SLC25A48: variants seen among roughly 807,000 people sequenced by gnomAD.
SLC25A48 encodes the protein solute carrier family 25 member 48.
In SLC25A48, 29 loss-of-function variants were observed where a neutral mutation model predicts 32.2. The ratio of observed to expected loss-of-function variants is 0.90; its 90% CI spans 0.67 to 1.23. The LOEUF (loss-of-function observed/expected upper bound fraction) is 1.23. Among genes scored for constraint, SLC25A48 ranks in the 50% most tolerant of loss-of-function variants. SLC25A48 has a pLI of 0.00. For synonymous variants in SLC25A48, 164 were observed against 172.3 expected (o/e 0.95, Z 0.38); for missense variants, 399 against 422.7 (o/e 0.94, Z 0.49).
At chr5:135,731,334 C>G (rs1338663718) in intron 3 of SLC25A48, among the ~76,000 whole-genome samples, 4 of 152,146 alleles carry the variant, frequency 2.6e-5, no homozygotes, top group Non-Finnish European at 4.4e-5. Context: ...GGATGTATAC[C>G]TGCAGGTCAC....
chr5:135,636,712 A>G (rs1476000797), intron 3 of SLC25A48, among the ~76,000 whole-genome samples: 6 of 152,242 alleles, frequency 3.9e-5, no homozygotes, highest in Non-Finnish European at 8.8e-5. Context: ...TGTATTAGAA[A>G]CATCATCTGT....
intron 3 of SLC25A48, among the ~76,000 whole-genome samples, chr5:135,748,786 C>T (rs4367295): frequency 0.46 from 68,361 of 147,860 alleles, 16,490 homozygotes; most frequent in Non-Finnish European, 0.54. Flanking sequence ...TGGCACGATA[C>T]TGGCTCACTG....
intron 4 of SLC25A48, among the ~76,000 whole-genome samples, chr5:135,862,558 A>G (rs1319789297): frequency 1.3e-5 from 2 of 152,206 alleles, no homozygotes; most frequent in African/African-American, 4.8e-5. Flanking sequence ...TCCACAGTCT[A>G]GTGGGGAGCC....
At chr5:135,795,065 GAGAGAA>G (rs1757134477) in intron 3 of SLC25A48, among the ~76,000 whole-genome samples, 1 of 151,712 alleles carries the variant, frequency 6.6e-6, no homozygotes, top group Non-Finnish European at 1.5e-5. Flanking sequence ...TAATCTCCAG[GAGAGAA>G]GAGGATATTA....
intron 3 of SLC25A48, among the ~76,000 whole-genome samples, chr5:135,729,252 G>C (rs995625155): frequency 1.3e-5 from 2 of 152,108 alleles, no homozygotes; most frequent in Non-Finnish European, 2.9e-5. Context: ...GGCCTTCAAA[G>C]AGTAATAGGA....
At chr5:135,615,814 C>T (rs968659992) in intron 1 of SLC25A48, among the ~76,000 whole-genome samples, 1 of 152,186 alleles carries the variant, frequency 6.6e-6, no homozygotes, top group African/African-American at 2.4e-5. Context: ...TTGAGGCAGC[C>T]CCTCTCATCC....
chr5:135,834,726 A>G lies in SLC25A48; in HGVS notation c.-122A>G. 9.3e-7 allele frequency: 1 copy of G among 1,078,054 alleles called. No homozygotes were observed. The highest frequency in any genetic ancestry group is 1.3e-6 in the Non-Finnish European group (1 of 755,700). 66.8% of individuals were successfully genotyped at this position (1,078,054 alleles called of 1,614,324 possible). On this transcript the variant is annotated 5_prime_UTR_variant, in exon 1 of 8. Transcript: ENST00000681962. ...ACTGGGGGACTGGGTTTGGAGTAGG[A>G]CCTGCGGCGTGCTCGAGACTCCGAC... is the stretch of plus-strand genomic sequence containing the variant.
intron 1 of SLC25A48, among the ~76,000 whole-genome samples, chr5:135,588,744 CAT>C (rs57166652): frequency 0.033 from 5,059 of 152,224 alleles, 269 homozygotes; most frequent in African/African-American, 0.12. Context: ...GGTCAGAACA[CAT>C]GTGATGAGTC....
chr5:135,802,286 T>G (rs1236289170), intron 3 of SLC25A48, among the ~76,000 whole-genome samples: 2 of 151,764 alleles, frequency 1.3e-5, no homozygotes, highest in Non-Finnish European at 2.9e-5. Context: ...TGTAATATCC[T>G]AGGAAGATAT....
chr5:135,771,812 G>C (rs925129134), intron 3 of SLC25A48, among the ~76,000 whole-genome samples: 1 of 151,096 alleles, frequency 6.6e-6, no homozygotes, highest in Non-Finnish European at 1.5e-5. Context: ...TAATATTTAG[G>C]GGGGGGAGAA....
chr5:135,887,075 C>A (rs1409959179), intron 7 of SLC25A48, among the ~76,000 whole-genome samples: 1 of 152,104 alleles, frequency 6.6e-6, no homozygotes, highest in Non-Finnish European at 1.5e-5. Context: ...TATTTACCAA[C>A]AATTACTGGA....
intron 2 of SLC25A48, among the ~76,000 whole-genome samples, chr5:135,847,927 A>C (rs1391431301): frequency 6.6e-6 from 1 of 152,202 alleles, no homozygotes; most frequent in African/African-American, 2.4e-5. Context: ...AACTAATATA[A>C]GTAGTCAGTT....
intron 1 of SLC25A48, chr5:135,609,281 A>G (rs1358174664): frequency 3.3e-5 from 5 of 152,230 alleles, no homozygotes; most frequent in Admixed American, 2.6e-4. Context: ...CTGAGTATAC[A>G]CTGAGCACCT....
At chr5:135,886,615 A>T (rs1762726777) in intron 7 of SLC25A48, among the ~76,000 whole-genome samples, 1 of 34,958 alleles carries the variant, frequency 2.9e-5, no homozygotes, top group Non-Finnish European at 5.1e-5. Flanking sequence ...ATATATATAT[A>T]TATATATATA....
Position 135,773,749 on chromosome 5 carries a change from T to C in SLC25A48, c.-520-38774T>C, listed in dbSNP as rs1280685143. Reference sequence around the variant, plus strand: ...TACACCACTGCTGTGACATTGTTTCTAATATACATGAAGGGAGAGTATGAT... The same window carrying C: ...TACACCACTGCTGTGACATTGTTTCCAATATACATGAAGGGAGAGTATGAT... On this transcript the variant is annotated intron_variant, in intron 3 of 10. Coordinates refer to the SLC25A48 transcript ENST00000646290. 4.0e-5 allele frequency among the ~76,000 whole-genome samples: 6 copies of C among 150,294 alleles called. No homozygotes were observed. In the East Asian group the frequency reaches 1.0e-3, roughly 25 times the overall value.
intron 3 of SLC25A48, among the ~76,000 whole-genome samples, chr5:135,726,841 G>A (rs1580817827): frequency 6.6e-6 from 1 of 152,198 alleles, no homozygotes; most frequent in East Asian, 1.9e-4. Flanking sequence ...AAGTGCAGTT[G>A]CTGGGTTCTC....
chr5:135,784,633 G>A (rs1175229641), intron 3 of SLC25A48, among the ~76,000 whole-genome samples: 2 of 117,030 alleles, frequency 1.7e-5, no homozygotes, highest in Non-Finnish European at 2.1e-5. Context: ...ATATCGCATG[G>A]GGGGTATACC....
intron 3 of SLC25A48, among the ~76,000 whole-genome samples, chr5:135,662,804 G>A (rs559250987): frequency 9.9e-5 from 15 of 152,142 alleles, no homozygotes; most frequent in South Asian, 6.2e-4. Flanking sequence ...TCCTGCCTTC[G>A]AAGGGTCCTT....
intron 3 of SLC25A48, among the ~76,000 whole-genome samples, chr5:135,674,268 A>G (rs1181801109): frequency 6.6e-6 from 1 of 151,946 alleles, no homozygotes; most frequent in South Asian, 2.1e-4. Flanking sequence ...TATCATTTCT[A>G]TGTGTTGGGA....
Sources: allele counts gnomAD v4.1 joint callset (sites outside exome capture counted in the v4.1 genomes callset), GRCh38; gene constraint gnomAD v4.1.1; transcripts MANE v1.5; gene names NCBI Gene and HGNC (gene_info 2026-07-23, HGNC 2026-07-21).